TSSK4: variants seen among roughly 807,000 people sequenced by gnomAD.
The protein encoded by TSSK4 is testis-specific serine/threonine-protein kinase 4.
TSSK4 carries 22 observed loss-of-function variants against 28.5 expected under a neutral mutation model. The observed-to-expected ratio is 0.77, with a 90% CI of 0.55 to 1.10. TSSK4 has a LOEUF of 1.10. Among genes scored for constraint, TSSK4 ranks in the 50% least tolerant of loss-of-function variants. The pLI, the probability that TSSK4 is intolerant of heterozygous loss-of-function variation, is 0.00. For missense variants in TSSK4, 329 were observed against 415.4 expected (o/e 0.79, Z 1.81); for synonymous variants, 151 against 158.3 (o/e 0.95, Z 0.35).
chr14:24,205,827 C>G lies in TSSK4; in HGVS notation c.-97C>G. ...TAGGCAAGCATTTGGGGACCTACTT[C>G]ACTTTGATACCCTAGCCTTCAGCAG... On this transcript the variant is annotated 5_prime_UTR_variant, in exon 1 of 4. Coordinates refer to ENST00000339917, the MANE Select transcript of TSSK4 (RefSeq NM_001184739.2). The G allele has an allele frequency of 3.3e-6, 3 of 896,648 alleles. No individual in the cohort carries two copies. The highest frequency in any genetic ancestry group is 2.9e-5 in the South Asian group (2 of 68,718). The allele number at this position is 896,648 out of a possible 1,614,324, so 55.5% of individuals were successfully genotyped here. A position where few individuals can be genotyped will look rare whatever the true frequency, so the allele number is the denominator to read the frequency against.
Position 24,208,043 on chromosome 14 carries a change from A to G in TSSK4, c.914A>G (p.Lys305Arg), listed in dbSNP as rs759415376. ...ATCATCAAGGATTCCTGGGTGCTCA[A>G]GTTCCAGCCTGAGCAACCCACCCAT... is the stretch of plus-strand genomic sequence containing the variant. The part of the protein sequence containing the change: ...LDIIKDSWVL[K>R]FQPEQPTHEI... The change falls in exon 4 of 4, where the codon AAG (lysine) becomes AGG (arginine). Residue 305 changes from lysine (K) to arginine (R), a missense_variant. Transcript: ENST00000339917. 41 of 1,614,092 alleles carry G rather than the reference A, an allele frequency of 2.5e-5. No individual in the cohort carries two copies. Among genetic ancestry groups the G allele is most frequent in the African/African-American group, 1.3e-5 (1 of 74,922 alleles).
chr14:24,207,416 G>T lies in TSSK4; in HGVS notation c.741G>T (p.Leu247=). ...VILYTLVVAH[L]PFDDTNLKKL... ...TTTACACTCTAGTGGTCGCCCATCT[G>T]CCCTTTGATGACACCAATCTCAAAA... Residue 247 remains leucine, a synonymous_variant, in exon 3 of 4, where the codon CTG becomes CTT. Transcript: ENST00000339917. 3 of 1,614,116 alleles carry T rather than the reference G, an allele frequency of 1.9e-6. No homozygotes were observed. The African/African-American group carries it at 4.0e-5, about 22-fold the overall frequency.
At position 24,206,524 on chromosome 14, in the gene TSSK4, CG is replaced by C; in HGVS notation, c.243del (p.His82ThrfsTer51). 6.2e-7 allele frequency: 1 copy of C among 1,614,120 alleles called. No homozygotes were observed. Among genetic ancestry groups the C allele is most frequent in the Non-Finnish European group, 8.5e-7 (1 of 1,180,006 alleles). On this transcript the variant is annotated frameshift_variant, in exon 2 of 4. Transcript: ENST00000339917. LOFTEE classifies it high-confidence loss of function. The part of the protein sequence containing the change: ...PREIQVMKVL[R>X]HKYLINFYRA... ...CTGGGGTCAGGTAATGAAAGTCTTG[CG>C]GCACAAGTACCTCATCAACTTCTAT...
In TSSK4 at chr14:24,207,481, C is replaced by A; in HGVS notation, c.806C>A (p.Ala269Asp). ...RETQKEVTFP[A>D]NHTISQECKN... ...ACTCAGAAGGAGGTCACTTTCCCAG[C>A]TAACCATACCATCTCCCAGGAGTGC... is the stretch of plus-strand genomic sequence containing the variant. Residue 269 changes from alanine (A) to aspartate (D), a missense_variant, in exon 3 of 4, where the codon GCT becomes GAT. Physicochemically the swap from Ala to Asp is moderately radical, Grantham distance 126. Around this residue, in one of 3 missense-constraint regions of TSSK4, gnomAD observed 139 missense variants for 178.1 expected, o/e 0.78. Coordinates refer to ENST00000339917, the MANE Select transcript of TSSK4 (RefSeq NM_001184739.2). The A allele has an allele frequency of 6.2e-7, 1 of 1,612,298 alleles. No individual in the cohort carries two copies. Among genetic ancestry groups the A allele is most frequent in the Middle Eastern group, 1.7e-4 (1 of 6,050 alleles).
At position 24,205,761 on chromosome 14, in the gene TSSK4, G is replaced by T; in HGVS notation, c.-163G>T. The T allele has an allele frequency of 1.6e-6, 1 of 606,108 alleles. No homozygotes were observed. The highest frequency in any genetic ancestry group is 4.4e-4 in the Middle Eastern group (1 of 2,268). 37.5% of individuals were successfully genotyped at this position (606,108 alleles called of 1,614,324 possible). A position where few individuals can be genotyped will look rare whatever the true frequency, so the allele number is the denominator to read the frequency against. On this transcript the variant is annotated 5_prime_UTR_variant, in exon 1 of 4. Transcript: ENST00000339917. ...CTTTCTTTCCCCCTCCAAGTTCCTA[G>T]TGGAGGGCTGAGTCCAGCATCCCAG...
In TSSK4 at chr14:24,205,960, A is replaced by ACCACAGC. The variant is rs1401318827; in HGVS notation, c.39_45dup (p.Tyr16HisfsTer9). ...AGATGTCTTAGAGGCAGCACCAACCACCACAGCCTACCATTCCCTCATGGA... is the reference window on the plus strand; with the variant it reads ...AGATGTCTTAGAGGCAGCACCAACCACCACAGCCCACAGCCTACCATTCCCTCATGGA... On this transcript the variant is annotated frameshift_variant, in exon 1 of 4. Transcript: ENST00000339917. LOFTEE classifies it high-confidence loss of function. The ACCACAGC allele has an allele frequency of 6.2e-7, 1 of 1,614,114 alleles. No homozygotes were observed. Among genetic ancestry groups the ACCACAGC allele is most frequent in the Admixed American group, 1.7e-5 (1 of 60,012 alleles).
In TSSK4 at chr14:24,206,130, C is replaced by T. The variant is rs1367329935; in HGVS notation, c.207C>T (p.Phe69=). 1.2e-6 allele frequency: 2 copies of T among 1,614,128 alleles called. No individual in the cohort carries two copies. The highest frequency in any genetic ancestry group is 4.5e-5 in the East Asian group (2 of 44,884). ...CCTCTGATGACTATCTTAACAAGTTCCTGCCCCGTGAAATACAGGTTGGAA... is the reference window on the plus strand; with the variant it reads ...CCTCTGATGACTATCTTAACAAGTTTCTGCCCCGTGAAATACAGGTTGGAA... ...KKASDDYLNK[F]LPREIQVMKV... The change falls in exon 1 of 4, where the codon TTC becomes TTT. Residue 69 remains phenylalanine, a synonymous_variant. Coordinates refer to ENST00000339917, the MANE Select transcript of TSSK4 (RefSeq NM_001184739.2).
At chr14:24,206,377 C>A in intron 1 of TSSK4, 132 bp from the exon 2 acceptor site, 1 of 1,036,846 alleles carries the variant, frequency 9.6e-7, no homozygotes, top group Non-Finnish European at 1.4e-6. Context: ...GCCCACAGGC[C>A]ACCAGTTCTC....
chr14:24,207,068 G>T, intron 2 of TSSK4, 48 bp from the exon 3 acceptor site: 1 of 1,599,008 alleles, frequency 6.3e-7, no homozygotes, highest in South Asian at 1.1e-5. Flanking sequence ...TTTACCCTCT[G>T]ACCCCTGGCC....
rs775583618 is a variant in TSSK4, at chr14:24,206,633, A to T, written c.350A>T (p.Tyr117Phe). 1 of 1,614,216 alleles carries T rather than the reference A, an allele frequency of 6.2e-7. No homozygotes were observed. Among genetic ancestry groups the T allele is most frequent in the Admixed American group, 1.7e-5 (1 of 60,028 alleles). ...GATGTCCTTGAATGGATCCAGCGCT[A>T]CGGGGCCTGCTCTGAGCCCCTTGCT... is the stretch of plus-strand genomic sequence containing the variant. ...GGDVLEWIQRYGACSEPLAGK... is the reference protein window; with the variant it reads ...GGDVLEWIQRFGACSEPLAGK... The change falls in exon 2 of 4, where the codon TAC becomes TTC. Residue 117 changes from tyrosine to phenylalanine, a missense_variant. By Grantham distance (22) the Tyr-to-Phe change is conservative. This residue lies in a region of TSSK4 where 175 missense variants were observed against 196.0 expected (regional missense o/e 0.89). Coordinates refer to ENST00000339917, the MANE Select transcript of TSSK4 (RefSeq NM_001184739.2).
Position 24,207,950 on chromosome 14 carries a change from C to A in TSSK4, c.835-14C>A. 6.2e-7 allele frequency: 1 copy of A among 1,614,060 alleles called. No homozygotes were observed. Among genetic ancestry groups the A allele is most frequent in the Non-Finnish European group, 8.5e-7 (1 of 1,179,942 alleles). On this transcript the variant is annotated splice_polypyrimidine_tract_variant and intron_variant, in intron 3 of 3. Transcript: ENST00000339917. ...AGAAAAACTCAGGCAAGACCTCTCTCTCCCCTGCTCTAGAACCTGATCCTC... is the reference window on the plus strand; with the variant it reads ...AGAAAAACTCAGGCAAGACCTCTCTATCCCCTGCTCTAGAACCTGATCCTC...
intron 2 of TSSK4, 38 bp from the exon 3 acceptor site, chr14:24,207,078 C>T: frequency 6.2e-7 from 1 of 1,600,190 alleles, no homozygotes; most frequent in Non-Finnish European, 8.5e-7. Flanking sequence ...GACCCCTGGC[C>T]CTTCAGCTCC....
Position 24,206,496 on chromosome 14 carries a change from C to A in TSSK4, c.226-13C>A, listed in dbSNP as rs1271434278. 1 of 1,613,964 alleles carries A rather than the reference C, an allele frequency of 6.2e-7. No individual in the cohort carries two copies. Among genetic ancestry groups the A allele is most frequent in the Admixed American group, 1.7e-5 (1 of 60,004 alleles). On this transcript the variant is annotated splice_polypyrimidine_tract_variant and intron_variant, in intron 1 of 3. Coordinates refer to ENST00000339917, the MANE Select transcript of TSSK4 (RefSeq NM_001184739.2). ...CCCTTCCCAGGTTTGATGGGTCCTT[C>A]TTCTGGGGTCAGGTAATGAAAGTCT...
At chr14:24,207,880 C>T in intron 3 of TSSK4, 84 bp from the exon 4 acceptor site, 2 of 1,607,066 alleles carry the variant, frequency 1.2e-6, no homozygotes, top group Non-Finnish European at 1.7e-6. Flanking sequence ...GGCTATCCTG[C>T]TTCTTTCTTA....
Position 24,207,173 on chromosome 14 carries a change from G to T in TSSK4, c.498G>T (p.Leu166=). The change falls in exon 3 of 4, where the codon CTG becomes CTT. Residue 166 remains leucine, a synonymous_variant. Transcript: ENST00000339917. ...GRDLKLENLL[L]DKWENVKISD... ...ACTTAAAGTTGGAGAACCTGTTGCT[G>T]GACAAGTGGGAGAATGTGAAGATAT... The T allele has an allele frequency of 6.2e-7, 1 of 1,613,510 alleles. No individual in the cohort carries two copies.
In TSSK4 at chr14:24,207,402, G is replaced by A; in HGVS notation, c.727G>A (p.Val243Met). The change falls in exon 3 of 4, where the codon GTG (valine) becomes ATG (methionine). Residue 243 changes from valine to methionine, a missense_variant. Transcript: ENST00000339917. Reference sequence around the variant, plus strand: ...CATGGGCGTCATCCTTTACACTCTAGTGGTCGCCCATCTGCCCTTTGATGA... The same window carrying A: ...CATGGGCGTCATCCTTTACACTCTAATGGTCGCCCATCTGCCCTTTGATGA... ...WSMGVILYTL[V>M]VAHLPFDDTN... 1.2e-6 allele frequency: 2 copies of A among 1,614,150 alleles called. No homozygotes were observed. Among genetic ancestry groups the A allele is most frequent in the African/African-American group, 1.3e-5 (1 of 75,028 alleles).
intron 3 of TSSK4, 99 bp downstream of exon 3, chr14:24,207,608 G>T: frequency 7.3e-7 from 1 of 1,372,302 alleles, no homozygotes; most frequent in Non-Finnish European, 9.9e-7. Context: ...CCAACCCTGG[G>T]GAAAGGCTCT....
At chr14:24,206,318 C>G (rs2138852357) in intron 1 of TSSK4, among the ~76,000 whole-genome samples, 170 bp downstream of exon 1, 1 of 152,320 alleles carries the variant, frequency 6.6e-6, no homozygotes, top group South Asian at 2.1e-4. Flanking sequence ...TTCCCATCCA[C>G]CCACTCACCT....
intron 3 of TSSK4, 147 bp from the exon 4 acceptor site, chr14:24,207,817 G>C: frequency 7.4e-6 from 11 of 1,483,828 alleles, no homozygotes; most frequent in Non-Finnish European, 1.0e-5. Flanking sequence ...TAACTGCCTG[G>C]GTCTCCAAGA....
Sources: allele counts gnomAD v4.1 joint callset (sites outside exome capture counted in the v4.1 genomes callset), GRCh38; gene constraint gnomAD v4.1.1; regional missense constraint gnomAD v4.1.1; transcripts MANE v1.5; gene names NCBI Gene and HGNC (gene_info 2026-07-23, HGNC 2026-07-21).